The following PTPRN2 variants were observed in gnomAD, a reference collection of about 807,000 sequenced individuals.
PTPRN2 encodes the protein receptor-type tyrosine-protein phosphatase N2.
PTPRN2 carries 74 observed loss-of-function variants against 118.8 expected under a neutral mutation model. That is an observed-to-expected ratio of 0.62 (90% CI 0.52 to 0.76). PTPRN2 has a LOEUF of 0.76. Ranked by LOEUF, PTPRN2 falls within the 30% of genes least tolerant of loss-of-function variation. The pLI is 0.00. For synonymous variants in PTPRN2, 641 were observed against 608.0 expected (o/e 1.05, Z -0.80); for missense variants, 1,481 against 1,394.4 (o/e 1.06, Z -0.99).
At chr7:157,864,736 C>T (rs1231335028) in intron 12 of PTPRN2, 1 of 152,246 alleles carries the variant, frequency 6.6e-6, no homozygotes, top group African/African-American at 2.4e-5. Flanking sequence ...AGCACGTATT[C>T]CCTCAAACGC....
intron 13 of PTPRN2, among the ~76,000 whole-genome samples, chr7:157,664,429 C>T (rs777600045): frequency 6.6e-6 from 1 of 152,230 alleles, no homozygotes; most frequent in Non-Finnish European, 1.5e-5. Context: ...ATGGCCATCG[C>T]CACTACGAAT....
intron 8 of PTPRN2, 77 bp from the exon 9 acceptor site, chr7:158,134,136 G>A (rs1233060545): frequency 4.0e-6 from 6 of 1,492,576 alleles, no homozygotes; most frequent in Non-Finnish European, 4.5e-6. Flanking sequence ...GGGCTGCCCG[G>A]GACAGAGTCA....
intron 10 of PTPRN2, 131 bp downstream of exon 10, chr7:158,110,698 C>G: frequency 1.2e-6 from 1 of 828,296 alleles, no homozygotes; most frequent in Non-Finnish European, 1.9e-6. Context: ...GCTGAAATCA[C>G]CTTTCACTTC....
intron 12 of PTPRN2, among the ~76,000 whole-genome samples, chr7:157,882,098 G>A (rs1247775288): frequency 1.3e-5 from 2 of 151,792 alleles, no homozygotes; most frequent in South Asian, 2.1e-4. Context: ...CCCCAAAAAT[G>A]ACTGTCATAC....
At chr7:158,116,976 G>T (rs558629488) in intron 9 of PTPRN2, among the ~76,000 whole-genome samples, 21 of 152,184 alleles carry the variant, frequency 1.4e-4, no homozygotes, top group Non-Finnish European at 2.6e-4. Context: ...CTGATTTCCA[G>T]AGTTAGATTA....
intron 12 of PTPRN2, among the ~76,000 whole-genome samples, chr7:157,842,574 C>G (rs1235369224): frequency 6.6e-6 from 1 of 152,012 alleles, no homozygotes; most frequent in East Asian, 1.9e-4. Context: ...ACCACCATGC[C>G]CAGCTAATTT....
chr7:158,320,460 G>A (rs5012916), intron 2 of PTPRN2, among the ~76,000 whole-genome samples: 145,490 of 151,742 alleles, frequency 0.96, 69,780 homozygotes, highest in African/African-American at 0.97. Context: ...AACGGTGGCC[G>A]TGCCATTTTT....
At chr7:157,720,648 C>T (rs781636140) in intron 12 of PTPRN2, among the ~76,000 whole-genome samples, 53 of 152,240 alleles carry the variant, frequency 3.5e-4, no homozygotes, top group Non-Finnish European at 6.8e-4. Context: ...CTTCCCACAC[C>T]AGGAGCAGGT....
At chr7:158,370,169 G>C (rs903746486) in intron 2 of PTPRN2, among the ~76,000 whole-genome samples, 17 of 152,232 alleles carry the variant, frequency 1.1e-4, no homozygotes, top group African/African-American at 4.1e-4. Context: ...CCAGCGCAGT[G>C]GCTCATGCCT....
At chr7:158,516,506 C>A (rs1464233688) in intron 1 of PTPRN2, among the ~76,000 whole-genome samples, 1 of 152,010 alleles carries the variant, frequency 6.6e-6, no homozygotes, top group African/African-American at 2.4e-5. Context: ...ATTCTTGGTG[C>A]TTTCTGCCTA....
chr7:157,681,628 T>C (rs1013629292), intron 13 of PTPRN2, among the ~76,000 whole-genome samples: 5 of 152,178 alleles, frequency 3.3e-5, no homozygotes, highest in African/African-American at 1.2e-4. Flanking sequence ...TGTAAATTCC[T>C]TATGTGGGGG....
intron 12 of PTPRN2, among the ~76,000 whole-genome samples, chr7:157,774,756 C>A (rs977894655): frequency 1.3e-5 from 2 of 152,070 alleles, no homozygotes; most frequent in Non-Finnish European, 2.9e-5. Context: ...GTCTTCGAGT[C>A]AACAATGGGA....
chr7:157,571,795 A>C (rs1799772071), intron 19 of PTPRN2, among the ~76,000 whole-genome samples: 1 of 152,190 alleles, frequency 6.6e-6, no homozygotes, highest in African/African-American at 2.4e-5. Flanking sequence ...CCACCCCTGC[A>C]GGCTCTCCTC....
chr7:158,341,505 G>A (rs1306922013), intron 2 of PTPRN2, among the ~76,000 whole-genome samples: 4 of 117,228 alleles, frequency 3.4e-5, no homozygotes, highest in Non-Finnish European at 3.6e-5. Flanking sequence ...GACACGTGCA[G>A]ACGTCACTCA....
intron 13 of PTPRN2, among the ~76,000 whole-genome samples, chr7:157,670,520 A>G (rs1796356899): frequency 6.6e-6 from 1 of 152,174 alleles, no homozygotes; most frequent in Admixed American, 6.5e-5. Flanking sequence ...ATGCTTCCAT[A>G]AAGGTGGCAT....
intron 3 of PTPRN2, among the ~76,000 whole-genome samples, chr7:158,226,745 C>T (rs10256080): frequency 0.27 from 39,944 of 149,996 alleles, 6,167 homozygotes; most frequent in East Asian, 0.48. Context: ...TGGGGAAGTC[C>T]CACAACACAG....
chr7:157,913,716 T>A (rs897394695), intron 11 of PTPRN2, among the ~76,000 whole-genome samples: 13 of 152,252 alleles, frequency 8.5e-5, no homozygotes, highest in South Asian at 6.2e-4. Context: ...TGACATTTTT[T>A]AAAAATAAAT....
chr7:158,279,582 T>C (rs1290269458), intron 3 of PTPRN2, among the ~76,000 whole-genome samples: 2 of 152,196 alleles, frequency 1.3e-5, no homozygotes, highest in African/African-American at 4.8e-5. Flanking sequence ...TCTCACGGGA[T>C]CCAGCCTCCA....
intron 12 of PTPRN2, among the ~76,000 whole-genome samples, chr7:157,867,940 G>C (rs772017882): frequency 2.6e-5 from 4 of 152,140 alleles, no homozygotes; most frequent in Non-Finnish European, 5.9e-5. Context: ...ACAAGAGCAG[G>C]ACTGGGGGCA....
Sources: gnomAD v4.1 joint callset for allele counts (sites outside exome capture counted in the v4.1 genomes callset) on GRCh38, gnomAD v4.1.1 for gene constraint, MANE v1.5 for transcripts, NCBI Gene and HGNC (gene_info 2026-07-23, HGNC 2026-07-21) for gene names.